Variants in TET2 observed in about 807,000 individuals in gnomAD.
TET2 encodes methylcytosine dioxygenase TET2.
In TET2, 299 loss-of-function variants were observed where a neutral mutation model predicts 142.9. That is an observed-to-expected ratio of 2.09 (90% CI 1.90 to 2.30). The LOEUF (loss-of-function observed/expected upper bound fraction) is 2.30, where lower values mean the gene tolerates loss of function less well. Ranked by LOEUF, TET2 falls within the 30% of genes most tolerant of loss-of-function variation. The pLI is 0.00. For synonymous variants in TET2, 819 were observed against 849.0 expected (o/e 0.96, Z 0.61); for missense variants, 2,418 against 2,378.0 (o/e 1.02, Z -0.35).
chr4:105,190,741 A>G (rs1725737830), intron 2 of TET2: 1 of 442,538 alleles, frequency 2.3e-6, no homozygotes. Context: ...ATTTTTATCA[A>G]TTCTCAATGT....
At chr4:105,162,944 T>C (rs1259310198) in intron 1 of TET2, among the ~76,000 whole-genome samples, 2 of 152,178 alleles carry the variant, frequency 1.3e-5, no homozygotes, top group African/African-American at 4.8e-5. Flanking sequence ...TTGGGAAATA[T>C]GCAATGATAA....
intron 5 of TET2, 47 bp from the exon 6 acceptor site, chr4:105,243,523 T>G: frequency 6.6e-7 from 1 of 1,519,076 alleles, no homozygotes; most frequent in South Asian, 1.2e-5. Flanking sequence ...CTTGTTTTGT[T>G]TTGGTTGGGG....
rs2110311112 is a variant in TET2, at chr4:105,275,049, A to T, written c.4539A>T (p.Glu1513Asp). ...TGTTCTCTCTTACCCTGTCCACAGA[A>T]CTTTTGCGACTTTCAGGACCAGTCA... Reference protein sequence around the residue: ...ENASQAKQLAELLRLSGPVMQ... With the variant: ...ENASQAKQLADLLRLSGPVMQ... The change falls in exon 11 of 11, where the codon GAA becomes GAT. Residue 1513 changes from glutamate to aspartate, a missense_variant and splice_region_variant. Glu to Asp is a conservative substitution (Grantham distance 45). Coordinates refer to ENST00000380013, the MANE Select transcript of TET2 (RefSeq NM_001127208.3). The T allele has an allele frequency of 6.6e-7, 1 of 1,523,814 alleles. No individual in the cohort carries two copies. Among genetic ancestry groups the T allele is most frequent in the African/African-American group, 1.4e-5 (1 of 72,196 alleles). 94.4% of individuals were successfully genotyped at this position (1,523,814 alleles called of 1,614,324 possible). A position where few individuals can be genotyped will look rare whatever the true frequency, so the allele number is the denominator to read the frequency against.
At chr4:105,228,404 TTG>T (rs1454605917) in intron 2 of TET2, among the ~76,000 whole-genome samples, 5 of 152,110 alleles carry the variant, frequency 3.3e-5, no homozygotes, top group African/African-American at 1.2e-4. Context: ...AAAATGGCCA[TTG>T]TGTTTAAAAC....
At chr4:105,242,493 G>T in intron 4 of TET2, 1 of 1,106,794 alleles carries the variant, frequency 9.0e-7, no homozygotes, top group Non-Finnish European at 1.1e-6. Context: ...TTTAGTAAGG[G>T]AAAAAATAGT....
intron 3 of TET2, chr4:105,239,074 G>GTTTGTT: frequency 2.4e-5 from 5 of 210,644 alleles, no homozygotes; most frequent in Non-Finnish European, 4.0e-5. Context: ...TTTGTTTTTT[G>GTTTGTT]TTTTTTTTTT....
chr4:105,269,586 T>A, intron 8 of TET2, 24 bp from the exon 9 acceptor site: 1 of 1,550,432 alleles, frequency 6.4e-7, no homozygotes, highest in South Asian at 1.2e-5. Context: ...TACTTTCGCA[T>A]TCACACACAC....
At chr4:105,209,352 G>T (rs1393735417) in intron 2 of TET2, among the ~76,000 whole-genome samples, 1 of 151,788 alleles carries the variant, frequency 6.6e-6, no homozygotes, top group African/African-American at 2.4e-5. Context: ...AAATAGGGAG[G>T]AAATCTGAAA....
chr4:105,250,380 ATTTTTTTTTTTTTTTT>A (rs59695275), intron 6 of TET2, among the ~76,000 whole-genome samples: 1 of 60,274 alleles, frequency 1.7e-5, no homozygotes, highest in Non-Finnish European at 2.8e-5. Context: ...TCCTTTCTGG[ATTTTTTTTTTTTTTTT>A]TTTTTTTTTT....
chr4:105,146,303 C>G (rs1214415347), upstream of TET2: 1 of 152,664 alleles, frequency 6.6e-6, no homozygotes, highest in African/African-American at 2.4e-5. Flanking sequence ...CCGTGCCATC[C>G]CAACCTCCCA....
intron 1 of TET2, among the ~76,000 whole-genome samples, chr4:105,182,571 C>T (rs1725182636): frequency 6.6e-6 from 1 of 152,104 alleles, no homozygotes; most frequent in Admixed American, 6.5e-5. Flanking sequence ...TTTAACAAAC[C>T]AGGTAAACAT....
rs1488811748 is a variant in TET2 at position 105,272,918 on chromosome 4, G to A, written c.4537G>A (p.Glu1513Lys). The change falls in exon 10 of 11, where the codon GAA becomes AAA. Residue 1513 changes from glutamate to lysine, a missense_variant and splice_region_variant. Coordinates refer to ENST00000380013, the MANE Select transcript of TET2 (RefSeq NM_001127208.3). ...ENASQAKQLAELLRLSGPVMQ... is the reference protein window; with the variant it reads ...ENASQAKQLAKLLRLSGPVMQ... Reference sequence around the variant, plus strand: ...CGCAAGCCAGGCTAAACAGTTGGCAGGTAAATTTAATGTAAAGCATTTGTA... The same window carrying A: ...CGCAAGCCAGGCTAAACAGTTGGCAAGTAAATTTAATGTAAAGCATTTGTA... 2.0e-6 allele frequency: 3 copies of A among 1,518,522 alleles called. No individual in the cohort carries two copies. The highest frequency in any genetic ancestry group is 2.3e-5 in the Admixed American group (1 of 43,342). 94.1% of individuals were successfully genotyped at this position (1,518,522 alleles called of 1,614,324 possible).
chr4:105,271,777 C>T (rs1730976034), intron 9 of TET2, among the ~76,000 whole-genome samples: 1 of 152,132 alleles, frequency 6.6e-6, no homozygotes, highest in South Asian at 2.1e-4. Flanking sequence ...TTTACCAAAG[C>T]TAGTGTAATT....
Position 105,275,181 on chromosome 4 carries a change from C to A in TET2, c.4671C>A (p.Val1557=), listed in dbSNP as rs1731144342. The change falls in exon 11 of 11, where the codon GTC becomes GTA. Residue 1557 remains valine, a synonymous_variant. Transcript: ENST00000380013. Reference sequence around the variant, plus strand: ...CACATCACCCTCAGACAGAGTCTGTCAACTCTTATTCTGCTTCTGGATCCA... The same window carrying A: ...CACATCACCCTCAGACAGAGTCTGTAAACTCTTATTCTGCTTCTGGATCCA... ...QQPHHPQTES[V]NSYSASGSTN... The A allele has an allele frequency of 6.4e-7, 1 of 1,552,240 alleles. No individual in the cohort carries two copies.
intron 2 of TET2, among the ~76,000 whole-genome samples, chr4:105,200,601 GTTTAAT>G (rs1196447789): frequency 6.6e-6 from 1 of 151,442 alleles, no homozygotes; most frequent in Non-Finnish European, 1.5e-5. Context: ...ATAAGCATAT[GTTTAAT>G]TTTAACTCCC....
Position 105,275,359 on chromosome 4 carries a change from C to T in TET2, c.4849C>T (p.Pro1617Ser), listed in dbSNP as rs1175856269. ...TTTGAATTCTTCTAATCCCATGAAC[C>T]CTTACCCTGGGCTTTTGAATCAGAA... Reference protein sequence around the residue: ...SYLNSSNPMNPYPGLLNQNTQ... With the variant: ...SYLNSSNPMNSYPGLLNQNTQ... Residue 1617 changes from proline (P) to serine (S), a missense_variant, in exon 11 of 11, where the codon CCT (proline) becomes TCT (serine). Physicochemically the swap from Pro to Ser is moderately conservative, Grantham distance 74. Coordinates refer to ENST00000380013, the MANE Select transcript of TET2 (RefSeq NM_001127208.3). 2 of 1,551,466 alleles carry T rather than the reference C, an allele frequency of 1.3e-6. No individual in the cohort carries two copies. The highest frequency in any genetic ancestry group is 2.7e-5 in the African/African-American group (2 of 73,004).
intron 5 of TET2, among the ~76,000 whole-genome samples, chr4:105,243,256 T>G (rs576607358): frequency 6.6e-6 from 1 of 152,332 alleles, no homozygotes; most frequent in African/African-American, 2.4e-5. Flanking sequence ...AACCTTGAAC[T>G]AAGACTTATG....
At chr4:105,167,465 A>G (rs899444618) in intron 1 of TET2, among the ~76,000 whole-genome samples, 2 of 152,260 alleles carry the variant, frequency 1.3e-5, no homozygotes, top group South Asian at 4.1e-4. Flanking sequence ...GTATGTATGT[A>G]TATACACATG....
chr4:105,264,102 A>ATT (rs796297285), intron 8 of TET2, among the ~76,000 whole-genome samples: 47 of 139,694 alleles, frequency 3.4e-4, no homozygotes, highest in South Asian at 6.8e-4. Context: ...CGTCCCAAAC[A>ATT]TTTTTTTTTT....
Sources: gnomAD v4.1 joint callset for allele counts (sites outside exome capture counted in the v4.1 genomes callset) on GRCh38, gnomAD v4.1.1 for gene constraint, MANE v1.5 for transcripts, NCBI Gene and HGNC (gene_info 2026-07-23, HGNC 2026-07-21) for gene names.